The following SOS1 variants were observed in gnomAD, a reference collection of about 807,000 sequenced individuals.
The protein encoded by SOS1 is son of sevenless homolog 1.
SOS1 carries 25 observed loss-of-function variants against 157.6 expected under a neutral mutation model. The ratio of observed to expected loss-of-function variants is 0.16; its 90% CI spans 0.12 to 0.22. SOS1 has a LOEUF of 0.22. Ranked by LOEUF, SOS1 falls within the 10% of genes least tolerant of loss-of-function variation. The pLI, the probability that SOS1 is intolerant of heterozygous loss-of-function variation, is 1.00. For missense variants in SOS1, 1,237 were observed against 1,599.1 expected (o/e 0.77, Z 3.86); for synonymous variants, 528 against 534.0 (o/e 0.99, Z 0.16).
intron 5 of SOS1, among the ~76,000 whole-genome samples, chr2:39,053,961 T>C (rs1475958452): frequency 4.0e-5 from 6 of 151,822 alleles, no homozygotes; most frequent in Non-Finnish European, 7.4e-5. Context: ...GGAGTCTCGC[T>C]CTGTCGCCCA....
chr2:39,041,198 C>G (rs1443329439), intron 6 of SOS1, among the ~76,000 whole-genome samples: 1 of 152,088 alleles, frequency 6.6e-6, no homozygotes, highest in Non-Finnish European at 1.5e-5. Context: ...GCTGAGACCA[C>G]AGGTGCACAC....
At chr2:39,062,171 A>G in intron 2 of SOS1, among the ~76,000 whole-genome samples, 1 of 152,074 alleles carries the variant, frequency 6.6e-6, no homozygotes, top group Admixed American at 6.6e-5. Context: ...TAATCCCAGC[A>G]CTTTGGGAGG....
chr2:39,098,421 AC>A (rs1672849961), intron 1 of SOS1: 2 of 179,722 alleles, frequency 1.1e-5, no homozygotes, highest in South Asian at 1.3e-4. Flanking sequence ...AGTGGAAGAA[AC>A]CTTCTAAAAG....
At chr2:39,085,559 A>G (rs1352093572) in intron 1 of SOS1, among the ~76,000 whole-genome samples, 1 of 152,218 alleles carries the variant, frequency 6.6e-6, no homozygotes, top group Non-Finnish European at 1.5e-5. Flanking sequence ...AGTTTTTAGT[A>G]AACCAAAGCC....
chr2:39,067,964 C>A (rs1572867783), intron 1 of SOS1, among the ~76,000 whole-genome samples: 1 of 152,056 alleles, frequency 6.6e-6, no homozygotes, highest in African/African-American at 2.4e-5. Flanking sequence ...ATTAAAAATA[C>A]AAAAATTAGC....
At chr2:38,991,290 T>C (rs1040544682) in intron 20 of SOS1, among the ~76,000 whole-genome samples, 1 of 152,026 alleles carries the variant, frequency 6.6e-6, no homozygotes, top group Non-Finnish European at 1.5e-5. Flanking sequence ...TGCAAATATA[T>C]TTGGGATTAG....
At chr2:39,019,845 A>T in intron 10 of SOS1, among the ~76,000 whole-genome samples, 1 of 151,672 alleles carries the variant, frequency 6.6e-6, no homozygotes, top group Non-Finnish European at 1.5e-5. Context: ...CAAGAAAAAA[A>T]AATTACTGAC....
intron 8 of SOS1, among the ~76,000 whole-genome samples, chr2:39,028,684 T>C (rs1055536907): frequency 1.3e-5 from 2 of 152,172 alleles, no homozygotes; most frequent in African/African-American, 2.4e-5. Flanking sequence ...ATAAAACCTA[T>C]TCCATAGAAC....
intron 4 of SOS1, among the ~76,000 whole-genome samples, chr2:39,055,502 G>A (rs1671183327): frequency 6.6e-6 from 1 of 151,962 alleles, no homozygotes; most frequent in African/African-American, 2.4e-5. Context: ...TTATTTATCT[G>A]ATTCATTAAA....
intron 22 of SOS1, among the ~76,000 whole-genome samples, chr2:38,987,141 G>A (rs1157381137): frequency 1.3e-5 from 2 of 152,110 alleles, no homozygotes; most frequent in East Asian, 1.9e-4. Context: ...CTTATAATGT[G>A]CCTTCATACA....
At chr2:39,123,462 A>AT (rs1308378108), upstream of SOS1, among the ~76,000 whole-genome samples, 1 of 150,702 alleles carries the variant, frequency 6.6e-6, no homozygotes, top group East Asian at 2.0e-4. Context: ...GGTTCAAGTG[A>AT]TTTTCCTGCC....
At chr2:39,112,793 C>G (rs1436822901) in intron 1 of SOS1, among the ~76,000 whole-genome samples, 2 of 152,170 alleles carry the variant, frequency 1.3e-5, no homozygotes, top group Non-Finnish European at 2.9e-5. Context: ...AATCTCAGCA[C>G]TTCGGTAGGC....
At chr2:39,123,457 A>T (rs1233388068), upstream of SOS1, among the ~76,000 whole-genome samples, 8 of 151,698 alleles carry the variant, frequency 5.3e-5, no homozygotes, top group Non-Finnish European at 1.5e-5. Flanking sequence ...TCCCAGGTTC[A>T]AGTGATTTTC....
At chr2:39,085,919 A>C (rs1672351168) in intron 1 of SOS1, among the ~76,000 whole-genome samples, 1 of 152,252 alleles carries the variant, frequency 6.6e-6, no homozygotes, top group African/African-American at 2.4e-5. Context: ...TTTAAACATA[A>C]TAATAAACAA....
In SOS1 at chr2:39,008,861, C is replaced by T. The variant is rs538533145; in HGVS notation, c.2511-1668G>A. Among the ~76,000 whole-genome samples, 3 of 148,812 alleles carry T rather than the reference C, an allele frequency of 2.0e-5. No homozygotes were observed. In the South Asian group the frequency reaches 6.3e-4, roughly 31 times the overall value. ...GGGGGCTGGGGAAGGAGGAGCAGTA[C>T]TCAGAGTTGCTACACTATATTATCT... is the stretch of plus-strand genomic sequence containing the variant. On this transcript the variant is annotated intron_variant, in intron 15 of 22. Coordinates refer to ENST00000402219, the MANE Select transcript of SOS1 (RefSeq NM_005633.4).
chr2:38,983,612 T>C lies in SOS1; in HGVS notation c.*2212A>G, dbSNP rs1292586830. On this transcript the variant is annotated 3_prime_UTR_variant, in exon 23 of 23. Transcript: ENST00000402219. ...GCTAACACATTAGCCGAAGACATAC[T>C]GAAGGGGGTCCAATGTGACTTTTAC... is the stretch of plus-strand genomic sequence containing the variant. 1.3e-5 allele frequency: 2 copies of C among 152,170 alleles called. No individual in the cohort carries two copies. The highest frequency in any genetic ancestry group is 2.9e-5 in the Non-Finnish European group (2 of 68,030). 9.4% of individuals were successfully genotyped at this position (152,170 alleles called of 1,614,324 possible).
chr2:38,995,178 A>C lies in SOS1; in HGVS notation c.3291T>G (p.Ser1097Arg), dbSNP rs758560516. ...LTPPPASGAS[S>R]TTDVCSVFDS... Reference sequence around the variant, plus strand: ...CAAATACACTGCAAACATCTGTGGTACTGGAAGCACCAGAAGCAGGCGGAG... The same window carrying C: ...CAAATACACTGCAAACATCTGTGGTCCTGGAAGCACCAGAAGCAGGCGGAG... The change falls in exon 20 of 23, where the codon AGT becomes AGG. Residue 1097 changes from serine to arginine, a missense_variant. Ser to Arg is a moderately radical substitution (Grantham distance 110). Transcript: ENST00000402219. 8.1e-6 allele frequency: 13 copies of C among 1,613,806 alleles called. No homozygotes were observed. The highest frequency in any genetic ancestry group is 1.1e-5 in the Non-Finnish European group (13 of 1,179,818).
chr2:39,060,978 T>C (rs915730016), intron 2 of SOS1, among the ~76,000 whole-genome samples: 1 of 150,608 alleles, frequency 6.6e-6, no homozygotes, highest in East Asian at 1.9e-4. Context: ...AGAGACTAAT[T>C]GTAGGCAGGG....
At chr2:39,031,785 A>T (rs1177004721) in intron 8 of SOS1, among the ~76,000 whole-genome samples, 1 of 152,186 alleles carries the variant, frequency 6.6e-6, no homozygotes, top group African/African-American at 2.4e-5. Flanking sequence ...CAAGAAAGAA[A>T]TCTAAATTTG....
Sources: allele counts gnomAD v4.1 joint callset (sites outside exome capture counted in the v4.1 genomes callset), GRCh38; gene constraint gnomAD v4.1.1; transcripts MANE v1.5; gene names NCBI Gene and HGNC (gene_info 2026-07-23, HGNC 2026-07-21).